UBE2D3: variants seen among roughly 807,000 people sequenced by gnomAD.
The protein encoded by UBE2D3 is ubiquitin conjugating enzyme E2 D3.
A neutral mutation model predicts 22.8 loss-of-function variants in UBE2D3; 2 were observed. That is an observed-to-expected ratio of 0.09 (90% confidence interval 0.04 to 0.28). The LOEUF (loss-of-function observed/expected upper bound fraction) is 0.28, where lower values mean the gene tolerates loss of function less well. Ranked by LOEUF, UBE2D3 falls within the 10% of genes least tolerant of loss-of-function variation. The pLI is 1.00. For missense variants in UBE2D3, 27 were observed against 182.5 expected, an observed-to-expected ratio of 0.15 and a Z score of 4.91; for synonymous variants, 56 against 60.4, an observed-to-expected ratio of 0.93 and a Z score of 0.34.
chr4:102,852,406 GTA>G (rs781664151), intron 1 of UBE2D3, among the ~76,000 whole-genome samples: 3 of 152,002 alleles, frequency 2.0e-5, no homozygotes, highest in Admixed American at 6.6e-5. Flanking sequence ...ACATTCCCTC[GTA>G]TATATATGTT....
Position 102,796,203 on chromosome 4 carries a change from C to T in UBE2D3, c.*1212G>A, listed in dbSNP as rs1725257871. 6.6e-6 allele frequency: 1 copy of T among 152,258 alleles called. No homozygotes were observed. Among genetic ancestry groups the T allele is most frequent in the African/African-American group, 2.4e-5 (1 of 41,380 alleles). 9.4% of individuals were successfully genotyped at this position (152,258 alleles called of 1,614,324 possible). On this transcript the variant is annotated 3_prime_UTR_variant, in exon 8 of 8. Coordinates refer to ENST00000453744, the MANE Select transcript of UBE2D3 (RefSeq NM_181891.3). ...TTACTCCCATGTTGTTTTTTTTCAG[C>T]TGTCAAGTGTACAAGGTGAAGAGAA...
intron 2 of UBE2D3, chr4:102,811,759 TA>T: frequency 4.5e-6 from 2 of 444,316 alleles, no homozygotes; most frequent in African/African-American, 2.1e-5. Context: ...GATGCCTAAA[TA>T]AAAAAGATAC....
intron 7 of UBE2D3, 144 bp from the exon 8 acceptor site, chr4:102,797,604 G>A (rs867811784): frequency 2.1e-5 from 11 of 518,916 alleles, no homozygotes; most frequent in Middle Eastern, 3.9e-4. Flanking sequence ...AGCCAACAAG[G>A]GAGAAATAGC....
At chr4:102,863,706 C>T (rs1733009993) in intron 1 of UBE2D3, among the ~76,000 whole-genome samples, 1 of 152,138 alleles carries the variant, frequency 6.6e-6, no homozygotes, top group Non-Finnish European at 1.5e-5. Context: ...GTTGGCCAGG[C>T]TGGTCTTGAA....
intron 2 of UBE2D3, chr4:102,825,878 G>A: frequency 2.3e-6 from 1 of 437,602 alleles, no homozygotes; most frequent in Non-Finnish European, 4.6e-6. Flanking sequence ...ACAGGAAGTG[G>A]CAACACTGTG....
chr4:102,861,341 G>GT (rs1195351985), intron 1 of UBE2D3, among the ~76,000 whole-genome samples: 2 of 151,982 alleles, frequency 1.3e-5, no homozygotes, highest in Non-Finnish European at 2.9e-5. Context: ...TTCTGCAGGG[G>GT]TTTGAGGGCT....
chr4:102,819,654 T>C (rs1729279732), intron 2 of UBE2D3: 3 of 948,082 alleles, frequency 3.2e-6, no homozygotes, highest in Non-Finnish European at 2.5e-6. Context: ...GCCTATATAG[T>C]GGCAAGGCCA....
intron 2 of UBE2D3, among the ~76,000 whole-genome samples, chr4:102,814,119 T>C (rs966400746): frequency 8.5e-5 from 13 of 152,316 alleles, no homozygotes; most frequent in East Asian, 1.9e-4. Context: ...CCAAATACTA[T>C]TGATTCTGAT....
upstream of UBE2D3, among the ~76,000 whole-genome samples, chr4:102,829,270 T>G (rs189780851): frequency 2.5e-3 from 382 of 152,326 alleles, 2 homozygotes; most frequent in Non-Finnish European, 4.5e-3. Flanking sequence ...AGCAAAGCAC[T>G]GAAGTGCTTA....
intron 4 of UBE2D3, among the ~76,000 whole-genome samples, chr4:102,803,420 G>T (rs974691891): frequency 6.6e-6 from 1 of 152,068 alleles, no homozygotes; most frequent in Non-Finnish European, 1.5e-5. Context: ...TATTAGAAAG[G>T]CTTTGTATAT....
chr4:102,805,229 T>C (rs1312687562), intron 4 of UBE2D3, among the ~76,000 whole-genome samples: 1 of 152,086 alleles, frequency 6.6e-6, no homozygotes, highest in Non-Finnish European at 1.5e-5. Context: ...AACTACGAGG[T>C]TCAGAGATAA....
intron 4 of UBE2D3, among the ~76,000 whole-genome samples, chr4:102,804,976 T>G (rs1382448131): frequency 6.6e-6 from 1 of 152,174 alleles, no homozygotes; most frequent in African/African-American, 2.4e-5. Flanking sequence ...TGAGCCACCA[T>G]GCCCGGCCCC....
chr4:102,832,279 GCT>G (rs1419311185), upstream of UBE2D3, among the ~76,000 whole-genome samples: 3 of 152,186 alleles, frequency 2.0e-5, no homozygotes, highest in African/African-American at 7.2e-5. Context: ...AAAAACTTTG[GCT>G]GCAGTATTGC....
intron 1 of UBE2D3, among the ~76,000 whole-genome samples, chr4:102,857,032 C>T (rs919849591): frequency 2.6e-5 from 4 of 152,034 alleles, no homozygotes; most frequent in African/African-American, 9.7e-5. Context: ...CAGAGTGACC[C>T]CTAATGTTAA....
chr4:102,816,883 C>T (rs76247391), intron 2 of UBE2D3, among the ~76,000 whole-genome samples: 1,606 of 152,214 alleles, frequency 0.011, 20 homozygotes, highest in African/African-American at 0.036. Context: ...GATAGAAATG[C>T]CTCCTCAGAC....
At chr4:102,801,313 GAAC>G (rs1157409652) in intron 6 of UBE2D3, 138 bp downstream of exon 6, 3 of 689,062 alleles carry the variant, frequency 4.4e-6, no homozygotes, top group Admixed American at 3.5e-5. Flanking sequence ...ACCACTAAAA[GAAC>G]AAAAATTATA....
chr4:102,865,435 T>G (rs1733099857), intron 1 of UBE2D3, among the ~76,000 whole-genome samples: 1 of 145,452 alleles, frequency 6.9e-6, no homozygotes, highest in East Asian at 2.0e-4. Context: ...GAGGTTGTAG[T>G]GAGCTGAGAT....
chr4:102,825,567 TG>T, intron 2 of UBE2D3: 2 of 1,193,102 alleles, frequency 1.7e-6, no homozygotes, highest in Non-Finnish European at 2.1e-6. Flanking sequence ...AGCAAGAAAA[TG>T]AGACTAAACC....
Position 102,801,602 on chromosome 4 carries a change from A to G in UBE2D3, c.199-43T>C. 5 of 1,463,188 alleles carry G rather than the reference A, an allele frequency of 3.4e-6. No homozygotes were observed. The South Asian group carries it at 6.3e-5, about 18-fold the overall frequency. 90.6% of individuals were successfully genotyped at this position (1,463,188 alleles called of 1,614,324 possible). On this transcript the variant is annotated intron_variant, in intron 5 of 7. Transcript: ENST00000453744. ...AAGTATTTTATTCAAATAAAAACAA[A>G]CATCTTTTAAAGCAAAACTTAAAAT...
Sources: allele counts gnomAD v4.1 joint callset (sites outside exome capture counted in the v4.1 genomes callset), GRCh38; gene constraint gnomAD v4.1.1; transcripts MANE v1.5; gene names NCBI Gene and HGNC (gene_info 2026-07-23, HGNC 2026-07-21).